The following ERBB4 variants were observed in gnomAD, a reference collection of about 807,000 sequenced individuals.
ERBB4 encodes the protein receptor tyrosine-protein kinase erbB-4.
Under a neutral mutation model 158.0 loss-of-function variants are expected in ERBB4, and 42 were observed. That is an observed-to-expected ratio of 0.27 (90% CI 0.21 to 0.34). The LOEUF (loss-of-function observed/expected upper bound fraction) is 0.34. ERBB4 is among the 10% of genes least tolerant of loss of function. ERBB4 has a pLI of 1.00. For missense variants in ERBB4, 1,333 were observed against 1,624.1 expected (o/e 0.82, Z 3.08); for synonymous variants, 583 against 558.7 (o/e 1.04, Z -0.61).
intron 2 of ERBB4, among the ~76,000 whole-genome samples, chr2:211,963,877 T>G (rs1244867757): frequency 6.6e-6 from 1 of 152,194 alleles, no homozygotes; most frequent in Admixed American, 6.6e-5. Flanking sequence ...AGGTTATGTT[T>G]TATAGTCTCC....
intron 2 of ERBB4, among the ~76,000 whole-genome samples, chr2:211,948,648 T>C (rs999494910): frequency 1.3e-5 from 2 of 151,894 alleles, no homozygotes; most frequent in African/African-American, 2.4e-5. Context: ...TGATAAATAG[T>C]TGTCAGAATT....
intron 3 of ERBB4, among the ~76,000 whole-genome samples, chr2:211,874,563 C>T (rs954610881): frequency 6.6e-6 from 1 of 152,158 alleles, no homozygotes; most frequent in African/African-American, 2.4e-5. Context: ...TGAATCTTCT[C>T]TGTATCTCCA....
chr2:211,842,291 G>A (rs1221526446), intron 3 of ERBB4, among the ~76,000 whole-genome samples: 1 of 151,628 alleles, frequency 6.6e-6, no homozygotes, highest in Non-Finnish European at 1.5e-5. Context: ...AGGAAATAAA[G>A]GGGTTGATAT....
chr2:211,515,896 T>TTATATA lies in ERBB4; in HGVS notation c.2487+46001_2487+46006dup, dbSNP rs1206265176. The stretch of plus-strand genomic sequence containing the variant: ...TTAGTAACTTATATAAAAACATATA[T>TTATATA]TATATATATATATATATTTTTTTTT... On this transcript the variant is annotated intron_variant, in intron 20 of 27. Transcript: ENST00000342788. Among the ~76,000 whole-genome samples the TTATATA allele has an allele frequency of 6.0e-4, 53 of 88,942 alleles. 3 individuals carry two copies. The highest frequency in any genetic ancestry group is 5.8e-3 in the Middle Eastern group (1 of 172). The allele number at this position is 88,942 out of a possible 152,430, so 58.3% of individuals were successfully genotyped here.
intron 3 of ERBB4, among the ~76,000 whole-genome samples, chr2:211,807,897 C>T (rs1030009720): frequency 2.6e-5 from 4 of 152,074 alleles, no homozygotes; most frequent in Non-Finnish European, 4.4e-5. Flanking sequence ...CATTTTTTCA[C>T]GTGTCTGTTG....
chr2:211,946,136 T>C (rs1464253693), intron 3 of ERBB4, among the ~76,000 whole-genome samples: 1 of 152,068 alleles, frequency 6.6e-6, no homozygotes, highest in Non-Finnish European at 1.5e-5. Flanking sequence ...AAAATGTTGA[T>C]GAAGGAATCT....
Position 212,474,822 on chromosome 2 carries a change from C to CTTTTTTTTTTTTTTTTTTTTTTTTT in ERBB4, c.82+63626_82+63627insAAAAAAAAAAAAAAAAAAAAAAAAA, listed in dbSNP as rs539959668. ...CACCATTTCCTGACACCCGGCCATTCTTTTTTTTTTTTTTTTTTGTCAAGA... is the reference window on the plus strand; with the variant it reads ...CACCATTTCCTGACACCCGGCCATTCTTTTTTTTTTTTTTTTTTTTTTTTTTTTTTTTTTTTTTTTTTTGTCAAGA... On this transcript the variant is annotated intron_variant, in intron 1 of 27. Transcript: ENST00000342788. Among the ~76,000 whole-genome samples the CTTTTTTTTTTTTTTTTTTTTTTTTT allele has an allele frequency of 3.0e-4, 28 of 94,412 alleles. 3 individuals are homozygous for CTTTTTTTTTTTTTTTTTTTTTTTTT. The highest frequency in any genetic ancestry group is 1.1e-3 in the African/African-American group (18 of 16,428). The allele number at this position is 94,412 out of a possible 152,430, so 61.9% of individuals were successfully genotyped here. A position where few individuals can be genotyped will look rare whatever the true frequency, so the allele number is the denominator to read the frequency against.
chr2:212,476,470 C>G (rs1470825345), intron 1 of ERBB4, among the ~76,000 whole-genome samples: 1 of 152,104 alleles, frequency 6.6e-6, no homozygotes, highest in Non-Finnish European at 1.5e-5. Flanking sequence ...TCTCTCTACC[C>G]TCTTCAATAT....
At chr2:211,708,685 T>G (rs1046642655) in intron 9 of ERBB4, among the ~76,000 whole-genome samples, 4 of 151,550 alleles carry the variant, frequency 2.6e-5, no homozygotes, top group Admixed American at 2.0e-4. Flanking sequence ...ACCTTCTATT[T>G]TATACCATTT....
intron 2 of ERBB4, among the ~76,000 whole-genome samples, chr2:211,951,402 A>C (rs763576885): frequency 8.5e-5 from 13 of 152,160 alleles, no homozygotes; most frequent in Non-Finnish European, 1.6e-4. Flanking sequence ...GTGCTCTAGA[A>C]TGTGTGATAG....
intron 19 of ERBB4, among the ~76,000 whole-genome samples, chr2:211,615,332 TA>T (rs147546875): frequency 1.5e-4 from 22 of 147,670 alleles, no homozygotes; most frequent in Admixed American, 2.0e-4. Flanking sequence ...TTTGTGGATT[TA>T]AAAAAAAAAG....
chr2:211,831,884 C>T (rs918276992), intron 3 of ERBB4, among the ~76,000 whole-genome samples: 1 of 150,650 alleles, frequency 6.6e-6, no homozygotes, highest in African/African-American at 2.4e-5. Flanking sequence ...ACCTGGGCAA[C>T]AACAGCGAGA....
chr2:211,748,274 A>C, intron 5 of ERBB4, among the ~76,000 whole-genome samples: 1 of 152,084 alleles, frequency 6.6e-6, no homozygotes, highest in East Asian at 1.9e-4. Flanking sequence ...TAATTGTAAT[A>C]GTATTATTAA....
At chr2:211,855,898 A>G (rs2077846058) in intron 3 of ERBB4, among the ~76,000 whole-genome samples, 1 of 152,210 alleles carries the variant, frequency 6.6e-6, no homozygotes, top group Non-Finnish European at 1.5e-5. Context: ...CAGATAAGAT[A>G]CTTATGTATG....
At chr2:211,982,050 T>A (rs1422083643) in intron 2 of ERBB4, among the ~76,000 whole-genome samples, 1 of 151,926 alleles carries the variant, frequency 6.6e-6, no homozygotes, top group East Asian at 1.9e-4. Flanking sequence ...ATACTATTAT[T>A]TATCATTATT....
chr2:212,357,463 G>T (rs1411539141), intron 1 of ERBB4, among the ~76,000 whole-genome samples: 1 of 151,616 alleles, frequency 6.6e-6, no homozygotes, highest in Non-Finnish European at 1.5e-5. Context: ...ATTATTATAG[G>T]TAAATTATGG....
intron 23 of ERBB4, 99 bp from the exon 24 acceptor site, chr2:211,422,203 G>A: frequency 3.0e-6 from 2 of 661,230 alleles, no homozygotes; most frequent in South Asian, 2.9e-5. Context: ...GAAAAATGTT[G>A]TTTTAATCGT....
intron 6 of ERBB4, among the ~76,000 whole-genome samples, chr2:211,722,987 T>C (rs2074152121): frequency 6.6e-6 from 1 of 152,196 alleles, no homozygotes; most frequent in Non-Finnish European, 1.5e-5. Context: ...AAGAAAACAT[T>C]GTGATGGTGA....
intron 2 of ERBB4, among the ~76,000 whole-genome samples, chr2:211,948,179 G>T (rs1159577624): frequency 6.6e-6 from 1 of 152,106 alleles, no homozygotes; most frequent in Admixed American, 6.5e-5. Context: ...GCTCATGCCT[G>T]TAATCCCAGC....
Sources: gnomAD v4.1 joint callset for allele counts (sites outside exome capture counted in the v4.1 genomes callset) on GRCh38, gnomAD v4.1.1 for gene constraint, MANE v1.5 for transcripts, NCBI Gene and HGNC (gene_info 2026-07-23, HGNC 2026-07-21) for gene names.